MYO16: variants seen among roughly 807,000 people sequenced by gnomAD.
The protein encoded by MYO16 is myosin XVI, also known as unconventional myosin-XVI.
A neutral mutation model predicts 205.3 loss-of-function variants in MYO16; 94 were observed. That is an observed-to-expected ratio of 0.46 (90% CI 0.39 to 0.54). The LOEUF (loss-of-function observed/expected upper bound fraction) is 0.54. Ranked by LOEUF, MYO16 falls within the 20% of genes least tolerant of loss-of-function variation. The pLI is 0.00. For synonymous variants in MYO16, 988 were observed against 954.0 expected (o/e 1.04, Z -0.66); for missense variants, 2,315 against 2,387.5 (o/e 0.97, Z 0.63).
At chr13:108,755,815 G>C (rs1372223341) in intron 4 of MYO16, among the ~76,000 whole-genome samples, 1 of 152,192 alleles carries the variant, frequency 6.6e-6, no homozygotes, top group Non-Finnish European at 1.5e-5. Flanking sequence ...AGACTCAGCA[G>C]TGAACTCTAG....
At chr13:108,627,403 T>A (rs779996924), upstream of MYO16, among the ~76,000 whole-genome samples, 2 of 152,206 alleles carry the variant, frequency 1.3e-5, no homozygotes, top group Non-Finnish European at 2.9e-5. Context: ...GTGGATTAGA[T>A]GTTGGCTCTT....
At chr13:108,889,051 C>CA (rs879777464) in intron 14 of MYO16, among the ~76,000 whole-genome samples, 241 of 126,974 alleles carry the variant, frequency 1.9e-3, no homozygotes, top group African/African-American at 4.1e-3. Flanking sequence ...AACTCTGTCT[C>CA]AAAAAAAAAA....
At chr13:108,708,095 C>A (rs1883583597) in intron 2 of MYO16, among the ~76,000 whole-genome samples, 1 of 152,046 alleles carries the variant, frequency 6.6e-6, no homozygotes. Context: ...TTGAGAAGCC[C>A]GGAACTAGCA....
chr13:108,799,245 G>A (rs1424670496), intron 6 of MYO16, among the ~76,000 whole-genome samples: 1 of 152,204 alleles, frequency 6.6e-6, no homozygotes, highest in African/African-American at 2.4e-5. Flanking sequence ...TCTCAAGTCA[G>A]GAGTTGTAGA....
At chr13:109,100,137 A>AT (rs935481671) in intron 27 of MYO16, among the ~76,000 whole-genome samples, 20 of 152,026 alleles carry the variant, frequency 1.3e-4, no homozygotes, top group South Asian at 2.1e-4. Context: ...TTTTACATAG[A>AT]TTTTTTTTAA....
In MYO16 at chr13:108,855,526, G is replaced by A. The variant is rs771504786; in HGVS notation, c.1332G>A (p.Gln444=). The change falls in exon 11 of 35, where the codon CAG becomes CAA. Residue 444 remains glutamine, a synonymous_variant. Coordinates refer to ENST00000457511, the MANE Select transcript of MYO16 (RefSeq NM_001198950.3). ...LNDGSLLYEI[Q]KRFGNNQIYT... Reference sequence around the variant, plus strand: ...ATGGCAGCCTGCTCTATGAGATTCAGAAGCGCTTTGGGAACAATCAGATCT... The same window carrying A: ...ATGGCAGCCTGCTCTATGAGATTCAAAAGCGCTTTGGGAACAATCAGATCT... The A allele has an allele frequency of 1.3e-5, 21 of 1,593,596 alleles. No individual in the cohort carries two copies. In the South Asian group the frequency reaches 1.9e-4, roughly 14 times the overall value.
At chr13:109,178,288 AC>A (rs760303432) in intron 33 of MYO16, among the ~76,000 whole-genome samples, 12 of 149,014 alleles carry the variant, frequency 8.1e-5, no homozygotes, top group Middle Eastern at 3.2e-3. Context: ...CCAGCAAGAG[AC>A]CCCCCCCACC....
At chr13:108,539,899 C>T in the MYO16 span, among the ~76,000 whole-genome samples, 2 of 151,474 alleles carry the variant, frequency 1.3e-5, no homozygotes, top group African/African-American at 4.9e-5. Context: ...TTTTCCTTGG[C>T]TCTACACTGG....
chr13:108,791,711 T>C (rs1171880389), intron 5 of MYO16, among the ~76,000 whole-genome samples: 1 of 152,226 alleles, frequency 6.6e-6, no homozygotes, highest in Admixed American at 6.5e-5. Context: ...GGAGAAAAGA[T>C]ACCAGATATG....
At chr13:109,017,236 C>A (rs1885859529) in intron 22 of MYO16, among the ~76,000 whole-genome samples, 1 of 152,148 alleles carries the variant, frequency 6.6e-6, no homozygotes, top group African/African-American at 2.4e-5. Flanking sequence ...CTTAGTTTGG[C>A]TGGATGTGAA....
intron 20 of MYO16, among the ~76,000 whole-genome samples, chr13:108,988,829 G>C (rs771427369): frequency 6.6e-6 from 1 of 152,178 alleles, no homozygotes; most frequent in Non-Finnish European, 1.5e-5. Flanking sequence ...TAGGGACCCT[G>C]ATGTCAGTGG....
intron 4 of MYO16, among the ~76,000 whole-genome samples, chr13:108,783,327 C>G (rs1269218373): frequency 6.6e-6 from 1 of 152,104 alleles, no homozygotes; most frequent in African/African-American, 2.4e-5. Flanking sequence ...GCCCTGTAAC[C>G]CCTTTGTTTT....
intron 4 of MYO16, among the ~76,000 whole-genome samples, chr13:108,739,929 G>T (rs1277407238): frequency 2.6e-5 from 4 of 152,188 alleles, no homozygotes; most frequent in African/African-American, 9.6e-5. Context: ...TGATCAAATC[G>T]GTTACTGAAG....
chr13:108,912,192 G>A (rs1189176099), intron 16 of MYO16, among the ~76,000 whole-genome samples: 1 of 152,156 alleles, frequency 6.6e-6, no homozygotes. Flanking sequence ...GATAGTGCAG[G>A]TGGGCTCAGA....
chr13:108,634,361 C>T (rs186811299), intron 1 of MYO16, among the ~76,000 whole-genome samples: 22 of 152,286 alleles, frequency 1.4e-4, no homozygotes, highest in Non-Finnish European at 2.9e-4. Flanking sequence ...GCTTGCAATT[C>T]TGTCTCCTTC....
chr13:108,820,528 C>T (rs1427271173), intron 8 of MYO16, 116 bp downstream of exon 8: 4 of 841,118 alleles, frequency 4.8e-6, no homozygotes, highest in African/African-American at 3.4e-5. Context: ...GCCTGTGAAG[C>T]TGTGTAACAA....
chr13:108,917,828 C>T (rs1881564840), intron 16 of MYO16, among the ~76,000 whole-genome samples: 2 of 152,208 alleles, frequency 1.3e-5, no homozygotes, highest in African/African-American at 4.8e-5. Context: ...GTTTTGGCTG[C>T]TGTGTTGGTT....
At chr13:108,653,306 A>T (rs12584153) in intron 1 of MYO16, among the ~76,000 whole-genome samples, 56,509 of 151,950 alleles carry the variant, frequency 0.37, 10,936 homozygotes, top group African/African-American at 0.5. Flanking sequence ...TAGGTGTATA[A>T]GGGTAAATAT....
At chr13:108,860,430 TTC>T in intron 11 of MYO16, among the ~76,000 whole-genome samples, 1 of 152,340 alleles carries the variant, frequency 6.6e-6, no homozygotes. Flanking sequence ...TTGAAATTGA[TTC>T]TATGTCTTTG....
Sources: allele counts gnomAD v4.1 joint callset (sites outside exome capture counted in the v4.1 genomes callset), GRCh38; gene constraint gnomAD v4.1.1; transcripts MANE v1.5; gene names NCBI Gene and HGNC (gene_info 2026-07-23, HGNC 2026-07-21).